ITGA8: variants seen among roughly 807,000 people sequenced by gnomAD.
ITGA8 encodes the protein integrin alpha-8.
ITGA8 carries 91 observed loss-of-function variants against 142.3 expected under a neutral mutation model. The observed-to-expected ratio is 0.64, with a 90% CI of 0.54 to 0.76. The LOEUF (loss-of-function observed/expected upper bound fraction) is 0.76. Among genes scored for constraint, ITGA8 ranks in the 30% least tolerant of loss-of-function variants. The pLI is 0.00. For synonymous variants in ITGA8, 505 were observed against 485.2 expected (o/e 1.04, Z -0.54); for missense variants, 1,406 against 1,327.7 (o/e 1.06, Z -0.92).
chr10:15,634,379 T>C (rs1588688388), intron 13 of ITGA8, among the ~76,000 whole-genome samples: 1 of 152,230 alleles, frequency 6.6e-6, no homozygotes, highest in South Asian at 2.1e-4. Context: ...ATTATCTAGC[T>C]GAACCTCCAA....
chr10:15,530,365 G>A (rs184135606), intron 28 of ITGA8, among the ~76,000 whole-genome samples: 142 of 152,066 alleles, frequency 9.3e-4, no homozygotes, highest in Middle Eastern at 3.4e-3. Context: ...GGCCAACATG[G>A]TGAAACCCTG....
At chr10:15,634,617 A>T (rs1833739594) in intron 13 of ITGA8, among the ~76,000 whole-genome samples, 1 of 152,178 alleles carries the variant, frequency 6.6e-6, no homozygotes, top group Non-Finnish European at 1.5e-5. Context: ...GTCACTCAAC[A>T]CATACTTGCT....
chr10:15,617,019 C>T (rs1435490935), intron 13 of ITGA8, among the ~76,000 whole-genome samples: 4 of 152,170 alleles, frequency 2.6e-5, no homozygotes, highest in Non-Finnish European at 4.4e-5. Flanking sequence ...ACCGTTTGCT[C>T]TTTACAAATA....
At chr10:15,699,383 A>G (rs1437465155) in intron 2 of ITGA8, among the ~76,000 whole-genome samples, 1 of 152,238 alleles carries the variant, frequency 6.6e-6, no homozygotes. Context: ...TGTGAGAAAT[A>G]TTCATGAATA....
In ITGA8 at chr10:15,719,895, G is replaced by T. The variant is rs1191542627; in HGVS notation, c.-124C>A. On this transcript the variant is annotated 5_prime_UTR_variant, in exon 1 of 30. Coordinates refer to ENST00000378076, the MANE Select transcript of ITGA8 (RefSeq NM_003638.3). ...CGTGTCCCGGGTCGGTGCGCTCGGC[G>T]CACCCGTGGTGACAGTGCCCGGCGT... 1.3e-6 allele frequency: 1 copy of T among 748,734 alleles called. No homozygotes were observed. The highest frequency in any genetic ancestry group is 3.4e-5 in the East Asian group (1 of 29,348). The allele number at this position is 748,734 out of a possible 1,614,324, so 46.4% of individuals were successfully genotyped here. A position where few individuals can be genotyped will look rare whatever the true frequency, so the allele number is the denominator to read the frequency against.
At chr10:15,613,227 A>C (rs921135219) in intron 15 of ITGA8, among the ~76,000 whole-genome samples, 1 of 152,152 alleles carries the variant, frequency 6.6e-6, no homozygotes, top group Non-Finnish European at 1.5e-5. Flanking sequence ...ATGTGCTTGA[A>C]AAGCAGTATC....
chr10:15,612,082 T>G (rs146586234), intron 15 of ITGA8, among the ~76,000 whole-genome samples: 67 of 152,326 alleles, frequency 4.4e-4, no homozygotes, highest in Non-Finnish European at 8.1e-4. Context: ...ACGCTGGCTC[T>G]CTGACATATT....
At chr10:15,646,088 A>G (rs1338230412) in intron 12 of ITGA8, among the ~76,000 whole-genome samples, 1 of 152,214 alleles carries the variant, frequency 6.6e-6, no homozygotes, top group East Asian at 1.9e-4. Context: ...CCTTTAAGTC[A>G]CCAAATCCAA....
intron 13 of ITGA8, among the ~76,000 whole-genome samples, chr10:15,640,219 G>C (rs1000732760): frequency 6.6e-6 from 1 of 152,168 alleles, no homozygotes; most frequent in African/African-American, 2.4e-5. Flanking sequence ...TCCCCTCTAC[G>C]GCCCGTGTTC....
intron 2 of ITGA8, among the ~76,000 whole-genome samples, chr10:15,716,783 G>C (rs895635227): frequency 1.3e-5 from 2 of 148,584 alleles, no homozygotes; most frequent in Admixed American, 6.9e-5. Flanking sequence ...CAATTCTCCT[G>C]TCTCAGCCTC....
chr10:15,611,481 A>G (rs1222864577), intron 15 of ITGA8: 3 of 144,110 alleles, frequency 2.1e-5, no homozygotes, highest in Non-Finnish European at 3.0e-5. Flanking sequence ...CCATAAAACC[A>G]AACAGAACTC....
intron 8 of ITGA8, among the ~76,000 whole-genome samples, chr10:15,669,898 C>T (rs1463240396): frequency 6.6e-6 from 1 of 152,164 alleles, no homozygotes; most frequent in Non-Finnish European, 1.5e-5. Context: ...GACTACCCGG[C>T]CGTGTGAGGT....
chr10:15,672,169 A>C (rs1025053340), intron 7 of ITGA8, among the ~76,000 whole-genome samples: 1 of 152,174 alleles, frequency 6.6e-6, no homozygotes, highest in Non-Finnish European at 1.5e-5. Context: ...TTCTTTTTCA[A>C]ATTCATCAAG....
intron 25 of ITGA8, among the ~76,000 whole-genome samples, chr10:15,562,771 TG>T (rs1266565059): frequency 6.6e-6 from 1 of 152,132 alleles, no homozygotes; most frequent in Non-Finnish European, 1.5e-5. Flanking sequence ...CCCAGCACTG[TG>T]GGCCCTGGGA....
At chr10:15,567,783 C>T (rs549283573) in intron 25 of ITGA8, among the ~76,000 whole-genome samples, 22 of 152,322 alleles carry the variant, frequency 1.4e-4, no homozygotes, top group African/African-American at 4.8e-4. Context: ...TCACCCAGCC[C>T]TTCCTGATCT....
At chr10:15,672,513 A>G (rs1001911503) in intron 7 of ITGA8, 111 bp downstream of exon 7, 38 of 1,326,022 alleles carry the variant, frequency 2.9e-5, no homozygotes, top group Non-Finnish European at 3.4e-5. Context: ...ATAAGAGAAC[A>G]TTTGTATAAG....
intron 27 of ITGA8, among the ~76,000 whole-genome samples, chr10:15,538,387 C>T (rs943814572): frequency 6.6e-6 from 1 of 151,848 alleles, no homozygotes; most frequent in Non-Finnish European, 1.5e-5. Flanking sequence ...TGGCGGGTGC[C>T]TGTAATCCCA....
rs34588118 is a variant in ITGA8 at position 15,671,879 on chromosome 10, CAA to C, written c.803-234_803-233del. 9.5e-4 allele frequency among the ~76,000 whole-genome samples: 76 copies of C among 79,688 alleles called. 1 individual carries two copies. The highest frequency in any genetic ancestry group is 4.7e-3 in the East Asian group (11 of 2,356). 52.3% of individuals were successfully genotyped at this position (79,688 alleles called of 152,430 possible). A position where few individuals can be genotyped will look rare whatever the true frequency, so the allele number is the denominator to read the frequency against. ...ATCTACTACTTAAGTAGGAGCAAAG[CAA>C]AAAAAAAAAAAAAAAAAAGAGGGAG... On this transcript the variant is annotated intron_variant, in intron 7 of 29. Transcript: ENST00000378076.
At chr10:15,656,689 T>A (rs1834192240) in intron 10 of ITGA8, among the ~76,000 whole-genome samples, 1 of 152,162 alleles carries the variant, frequency 6.6e-6, no homozygotes, top group Non-Finnish European at 1.5e-5. Context: ...CTGCAGTTTT[T>A]CTTTTTAAAC....
Sources: allele counts gnomAD v4.1 joint callset (sites outside exome capture counted in the v4.1 genomes callset), GRCh38; gene constraint gnomAD v4.1.1; transcripts MANE v1.5; gene names NCBI Gene and HGNC (gene_info 2026-07-23, HGNC 2026-07-21).